The following TMEM178B variants were observed in gnomAD, a reference collection of about 807,000 sequenced individuals.
The protein encoded by TMEM178B is transmembrane protein 178B.
Under a neutral mutation model 31.0 loss-of-function variants are expected in TMEM178B, and 5 were observed. The observed-to-expected ratio is 0.16, with a 90% CI of 0.08 to 0.34. The LOEUF is 0.34. TMEM178B is among the 10% of genes least tolerant of loss of function. The pLI is 1.00. For missense variants in TMEM178B, 275 were observed against 400.3 expected (o/e 0.69, Z 2.67); for synonymous variants, 164 against 164.0 (o/e 1.00, Z 0.00).
chr7:141,162,364 G>A (rs552672864), intron 1 of TMEM178B, among the ~76,000 whole-genome samples: 6 of 152,292 alleles, frequency 3.9e-5, no homozygotes, highest in East Asian at 1.9e-4. Context: ...GCTGGCATGC[G>A]ATACACCCTG....
At chr7:141,246,311 G>A (rs1249152308) in intron 2 of TMEM178B, among the ~76,000 whole-genome samples, 2 of 152,176 alleles carry the variant, frequency 1.3e-5, no homozygotes, top group East Asian at 3.9e-4. Flanking sequence ...TACTTACAGA[G>A]TAATGACCCA....
At chr7:141,378,720 G>C (rs1414478133) in intron 2 of TMEM178B, among the ~76,000 whole-genome samples, 1 of 152,222 alleles carries the variant, frequency 6.6e-6, no homozygotes, top group Non-Finnish European at 1.5e-5. Context: ...TTATTCAAGA[G>C]GTAGTCCTCC....
At chr7:141,172,115 A>G (rs556752207) in intron 1 of TMEM178B, among the ~76,000 whole-genome samples, 1 of 152,190 alleles carries the variant, frequency 6.6e-6, no homozygotes, top group African/African-American at 2.4e-5. Flanking sequence ...TAGAGATTAA[A>G]TACCTTCCCC....
downstream of TMEM178B, among the ~76,000 whole-genome samples, chr7:141,481,547 T>TG (rs1802474547): frequency 6.6e-6 from 1 of 152,192 alleles, no homozygotes; most frequent in African/African-American, 2.4e-5. Context: ...GGCACAGTGC[T>TG]GGGCCTTGCA....
intron 1 of TMEM178B, among the ~76,000 whole-genome samples, chr7:141,203,298 T>G (rs1038539136): frequency 2.0e-5 from 3 of 152,168 alleles, no homozygotes; most frequent in Admixed American, 1.3e-4. Flanking sequence ...TGCAGGGGAT[T>G]AGCCAGGCCT....
intron 2 of TMEM178B, among the ~76,000 whole-genome samples, chr7:141,288,952 C>G (rs1798496329): frequency 6.6e-6 from 1 of 152,194 alleles, no homozygotes; most frequent in Non-Finnish European, 1.5e-5. Flanking sequence ...GCTTTCCTCC[C>G]AGTTTTGTTT....
At chr7:141,362,204 C>T (rs1412581062) in intron 2 of TMEM178B, among the ~76,000 whole-genome samples, 2 of 152,218 alleles carry the variant, frequency 1.3e-5, no homozygotes, top group Non-Finnish European at 2.9e-5. Flanking sequence ...TTGCAATCTT[C>T]GTCTGGCACT....
At chr7:141,399,952 C>A (rs1043469501) in intron 2 of TMEM178B, among the ~76,000 whole-genome samples, 1 of 152,100 alleles carries the variant, frequency 6.6e-6, no homozygotes, top group Admixed American at 6.6e-5. Flanking sequence ...AATGTAGTGG[C>A]CAAGAAAAAC....
At chr7:141,435,318 C>G (rs778796210) in intron 2 of TMEM178B, among the ~76,000 whole-genome samples, 1 of 152,348 alleles carries the variant, frequency 6.6e-6, no homozygotes, top group Middle Eastern at 3.4e-3. Flanking sequence ...TACAGGGAAA[C>G]CTTCTTTTCA....
At chr7:141,263,259 C>T (rs1002905490) in intron 2 of TMEM178B, among the ~76,000 whole-genome samples, 2 of 152,134 alleles carry the variant, frequency 1.3e-5, no homozygotes, top group Non-Finnish European at 2.9e-5. Context: ...TCCTCTGGCT[C>T]CTTTTTCCTC....
intron 2 of TMEM178B, among the ~76,000 whole-genome samples, chr7:141,224,399 C>A (rs1243059487): frequency 6.6e-6 from 1 of 152,214 alleles, no homozygotes; most frequent in Non-Finnish European, 1.5e-5. Flanking sequence ...GTTATAGACT[C>A]TTGATTACAA....
chr7:141,216,002 T>A (rs1797137890), intron 2 of TMEM178B, among the ~76,000 whole-genome samples: 1 of 151,426 alleles, frequency 6.6e-6, no homozygotes, highest in African/African-American at 2.4e-5. Context: ...GTATAATTTT[T>A]GTATTTTCAG....
intron 2 of TMEM178B, among the ~76,000 whole-genome samples, chr7:141,230,762 C>T (rs1797429204): frequency 6.6e-6 from 1 of 152,162 alleles, no homozygotes; most frequent in Non-Finnish European, 1.5e-5. Flanking sequence ...TCAACCTCCC[C>T]AGTAGCTAGG....
chr7:141,314,376 G>A (rs1295203049), intron 2 of TMEM178B, among the ~76,000 whole-genome samples: 1 of 152,226 alleles, frequency 6.6e-6, no homozygotes, highest in African/African-American at 2.4e-5. Context: ...TTTGGGGACA[G>A]GACAAGGTTC....
chr7:141,331,698 A>C lies in TMEM178B; in HGVS notation c.497-105910A>C, dbSNP rs144842289. The stretch of plus-strand genomic sequence containing the variant: ...ATGGGGAGGGGTAGTTGGAAGTGGA[A>C]GTGGGGTAAAGGAATTTGCTGGTAT... On this transcript the variant is annotated intron_variant, in intron 2 of 3. Transcript: ENST00000565468. 5.6e-4 allele frequency among the ~76,000 whole-genome samples: 85 copies of C among 152,254 alleles called. 1 individual carries two copies. In the East Asian group the frequency reaches 7.0e-3, roughly 12 times the overall value.
At chr7:141,411,066 A>G (rs1800979143) in intron 2 of TMEM178B, among the ~76,000 whole-genome samples, 1 of 151,474 alleles carries the variant, frequency 6.6e-6, no homozygotes, top group Admixed American at 6.6e-5. Context: ...CGAATAAAAT[A>G]AAAAAAGAAA....
At chr7:141,340,172 C>T (rs1799492781) in intron 2 of TMEM178B, among the ~76,000 whole-genome samples, 1 of 152,160 alleles carries the variant, frequency 6.6e-6, no homozygotes, top group African/African-American at 2.4e-5. Context: ...GAAATGCAGG[C>T]AGTTTCTTGA....
intron 3 of TMEM178B, among the ~76,000 whole-genome samples, chr7:141,440,024 G>A (rs1422531793): frequency 1.3e-5 from 2 of 152,224 alleles, no homozygotes; most frequent in East Asian, 3.8e-4. Flanking sequence ...GACAGAATTT[G>A]GTGACAGTGG....
At chr7:141,159,331 A>C (rs141704689) in intron 1 of TMEM178B, among the ~76,000 whole-genome samples, 143 of 152,272 alleles carry the variant, frequency 9.4e-4, no homozygotes, top group African/African-American at 3.3e-3. Context: ...AAACTGTCAA[A>C]TGACCTCCAG....
Sources: allele counts gnomAD v4.1 joint callset (sites outside exome capture counted in the v4.1 genomes callset), GRCh38; gene constraint gnomAD v4.1.1; transcripts MANE v1.5; gene names NCBI Gene and HGNC (gene_info 2026-07-23, HGNC 2026-07-21).